The following TMEM223 variants were observed in gnomAD, a reference collection of about 807,000 sequenced individuals.
TMEM223 encodes the protein transmembrane protein 223.
Under a neutral mutation model 14.1 loss-of-function variants are expected in TMEM223, and 14 were observed. The observed-to-expected ratio is 0.99, with a 90% CI of 0.66 to 1.55. TMEM223 has a LOEUF of 1.55. Ranked by LOEUF, TMEM223 falls within the 40% of genes most tolerant of loss-of-function variation. TMEM223 has a pLI of 0.00. For synonymous variants in TMEM223, 145 were observed against 120.5 expected (o/e 1.20, Z -1.33); for missense variants, 346 against 269.9 (o/e 1.28, Z -1.97).
At chr11:62,784,111 C>G (rs1269269173), downstream of TMEM223, among the ~76,000 whole-genome samples, 1 of 144,370 alleles carries the variant, frequency 6.9e-6, no homozygotes, top group Non-Finnish European at 1.5e-5. Flanking sequence ...GCCTCAGCCT[C>G]CTGAGTAGCT....
chr11:62,786,414 C>G, downstream of TMEM223: 3 of 1,607,576 alleles, frequency 1.9e-6, no homozygotes, highest in Non-Finnish European at 2.6e-6. Flanking sequence ...TTCCAGCCTC[C>G]CTTCCCTGCA....
At chr11:62,778,650 GC>G in intron 1 of TMEM223, 1 of 612,164 alleles carries the variant, frequency 1.6e-6, no homozygotes, top group Non-Finnish European at 2.9e-6. Context: ...AGTCCGTCTG[GC>G]AGAGGGTGGG....
At chr11:62,778,092 A>G in intron 1 of TMEM223, 1 of 1,614,150 alleles carries the variant, frequency 6.2e-7, no homozygotes, top group South Asian at 1.1e-5. Flanking sequence ...CCTGGCTACC[A>G]ACATCCCCAA....
At chr11:62,780,040 G>A (rs2084217141) in intron 1 of TMEM223, among the ~76,000 whole-genome samples, 1 of 133,714 alleles carries the variant, frequency 7.5e-6, no homozygotes, top group Admixed American at 8.1e-5. Context: ...TGAAACTCCT[G>A]CCCTCAAGCA....
chr11:62,776,234 T>C, intron 1 of TMEM223: 1 of 791,666 alleles, frequency 1.3e-6, no homozygotes, highest in South Asian at 1.7e-5. Context: ...GGGGGTGTTT[T>C]TGTACAGGAG....
chr11:62,773,759 C>G (rs994581309), intron 2 of TMEM223, among the ~76,000 whole-genome samples: 8 of 151,992 alleles, frequency 5.3e-5, no homozygotes, highest in Non-Finnish European at 1.0e-4. Flanking sequence ...CAAATTCTTA[C>G]GACTGGTTTG....
intron 1 of TMEM223, among the ~76,000 whole-genome samples, chr11:62,779,976 A>ATATTTTTTTT (rs1294367864): frequency 1.9e-5 from 1 of 52,626 alleles, no homozygotes; most frequent in Non-Finnish European, 3.6e-5. Flanking sequence ...ATATATATAT[A>ATATTTTTTTT]TTTTTTTTTT....
chr11:62,789,096 C>T (rs1219130836), downstream of TMEM223: 1 of 1,614,228 alleles, frequency 6.2e-7, no homozygotes, highest in Non-Finnish European at 8.5e-7. Context: ...TTATCCCGTC[C>T]CTCAGCACCA....
At chr11:62,784,499 C>T (rs914574907), downstream of TMEM223, among the ~76,000 whole-genome samples, 2 of 147,474 alleles carry the variant, frequency 1.4e-5, no homozygotes, top group Non-Finnish European at 3.0e-5. Flanking sequence ...GTAGAGACAG[C>T]GTTTCACCGT....
At chr11:62,791,239 G>C (rs1032272249) in intron 1 of TMEM223, among the ~76,000 whole-genome samples, 1 of 152,060 alleles carries the variant, frequency 6.6e-6, no homozygotes, top group Non-Finnish European at 1.5e-5. Flanking sequence ...AGGGCACGGC[G>C]CTCGGAGACA....
chr11:62,782,090 A>T, intron 1 of TMEM223: 3 of 1,593,760 alleles, frequency 1.9e-6, no homozygotes, highest in Non-Finnish European at 2.6e-6. Context: ...ATGTCCCTGT[A>T]AGCTACCCTC....
rs890020015 is a variant in TMEM223 at position 62,776,541 on chromosome 11, G to A, written c.315-1876C>T. 51 of 1,486,992 alleles carry A rather than the reference G, an allele frequency of 3.4e-5. No individual in the cohort carries two copies. In the East Asian group the frequency reaches 4.1e-4, roughly 12 times the overall value. 92.1% of individuals were successfully genotyped at this position (1,486,992 alleles called of 1,614,324 possible). A position where few individuals can be genotyped will look rare whatever the true frequency, so the allele number is the denominator to read the frequency against. On this transcript the variant is annotated intron_variant, in intron 1 of 2. Coordinates refer to the TMEM223 transcript ENST00000528367. ...CTTCCATGTCCAGTTCAGGGCTGGCGATGTGGTGAGACATTAAGACCAAAC... is the reference window on the plus strand; with the variant it reads ...CTTCCATGTCCAGTTCAGGGCTGGCAATGTGGTGAGACATTAAGACCAAAC...
chr11:62,790,495 C>G lies in TMEM223; in HGVS notation c.*128G>C. 1.2e-6 allele frequency: 1 copy of G among 847,922 alleles called. No individual in the cohort carries two copies. The highest frequency in any genetic ancestry group is 1.9e-5 in the South Asian group (1 of 52,670). 52.5% of individuals were successfully genotyped at this position (847,922 alleles called of 1,614,324 possible). On this transcript the variant is annotated 3_prime_UTR_variant, in exon 2 of 2. Transcript: ENST00000307366. Reference sequence around the variant, plus strand: ...CTCGCTATGTTGCCCAGCCTGGGCTCGAGCAGTGCTCCTGCCTCACCCTCC... The same window carrying G: ...CTCGCTATGTTGCCCAGCCTGGGCTGGAGCAGTGCTCCTGCCTCACCCTCC...
rs776938603 is a variant in TMEM223, at chr11:62,791,957, A to G, written c.38T>C (p.Leu13Pro). 1.3e-5 allele frequency: 21 copies of G among 1,578,194 alleles called. No individual in the cohort carries two copies. The highest frequency in any genetic ancestry group is 2.3e-5 in the East Asian group (1 of 43,282). ...APWRRWPTGL[L>P]AVLRPLLTCR... ...GGTGAGCAGGGGCCGCAGCACGGCT[A>G]GCAGCCCCGTGGGCCATCGCCTCCA... Residue 13 changes from leucine (L) to proline (P), a missense_variant, in exon 1 of 2, where the codon CTA (leucine) becomes CCA (proline). By Grantham distance (98) the Leu-to-Pro change is moderately conservative (BLOSUM62 -3). Coordinates refer to ENST00000307366, the MANE Select transcript of TMEM223 (RefSeq NM_001080501.3).
At chr11:62,777,992 C>A in intron 1 of TMEM223, 1 of 1,614,102 alleles carries the variant, frequency 6.2e-7, no homozygotes, top group Non-Finnish European at 8.5e-7. Context: ...TGTGTGGTTA[C>A]GGATCACAGG....
downstream of TMEM223, chr11:62,782,970 C>A (rs569054876): frequency 4.2e-4 from 515 of 1,233,132 alleles, 2 homozygotes; most frequent in Middle Eastern, 1.3e-3. Context: ...CTCAGTGATA[C>A]TTGACTTTCT....
chr11:62,785,118 G>A (rs565144121), downstream of TMEM223, among the ~76,000 whole-genome samples: 1 of 151,880 alleles, frequency 6.6e-6, no homozygotes, highest in Non-Finnish European at 1.5e-5. Context: ...GATTACAAGC[G>A]TGAGGCACTG....
downstream of TMEM223, chr11:62,787,545 G>C (rs771693218): frequency 1.9e-5 from 29 of 1,539,426 alleles, no homozygotes; most frequent in Non-Finnish European, 2.5e-5. Context: ...TGCGGGGCGG[G>C]GTCAGGTAGG....
Position 62,790,424 on chromosome 11 carries a change from G to A in TMEM223, c.*199C>T, listed in dbSNP as rs1473824149. 9 of 595,982 alleles carry A rather than the reference G, an allele frequency of 1.5e-5. No individual in the cohort carries two copies. The Admixed American group carries it at 2.0e-4, about 13-fold the overall frequency. 36.9% of individuals were successfully genotyped at this position (595,982 alleles called of 1,614,324 possible). On this transcript the variant is annotated 3_prime_UTR_variant, in exon 2 of 2. Coordinates refer to ENST00000307366, the MANE Select transcript of TMEM223 (RefSeq NM_001080501.3). ...GACCCTGGTTGTTACTCCATTCTAA[G>A]ATTGGCGTTTTTTTTTGTTTTTTTT... is the stretch of plus-strand genomic sequence containing the variant.
Sources: allele counts gnomAD v4.1 joint callset (sites outside exome capture counted in the v4.1 genomes callset), GRCh38; gene constraint gnomAD v4.1.1; transcripts MANE v1.5; gene names NCBI Gene and HGNC (gene_info 2026-07-23, HGNC 2026-07-21).